The following KRT72 variants were observed in gnomAD, a reference collection of about 807,000 sequenced individuals.
The protein encoded by KRT72 is keratin, type II cytoskeletal 72.
KRT72 carries 44 observed loss-of-function variants against 44.7 expected under a neutral mutation model. That is an observed-to-expected ratio of 0.98 (90% confidence interval 0.77 to 1.27). KRT72 has a LOEUF of 1.27. Ranked by LOEUF, KRT72 falls within the 50% of genes most tolerant of loss-of-function variation. KRT72 has a pLI of 0.00. For missense variants in KRT72, 736 were observed against 667.1 expected, an observed-to-expected ratio of 1.10 and a Z score of -1.14; for synonymous variants, 302 against 280.4, an observed-to-expected ratio of 1.08 and a Z score of -0.77.
chr12:52,601,344 G>A lies in KRT72; in HGVS notation c.109C>T (p.Arg37Trp). The change falls in exon 1 of 9, where the codon CGG (arginine) becomes TGG (tryptophan). Residue 37 changes from arginine (R) to tryptophan (W), a missense_variant. By Grantham distance (101) the Arg-to-Trp change is moderately radical (BLOSUM62 -3). Transcript: ENST00000293745. The stretch of plus-strand genomic sequence containing the variant: ...CCAAAGGAGGCCGAGCCCTTGACCC[G>A]GGCCCGGAATGAGGCGGAGCTGCTG... ...IGSSSASFRA[R>W]VKGSASFGSK... 3.2e-6 allele frequency: 5 copies of A among 1,545,020 alleles called. No individual in the cohort carries two copies. Among genetic ancestry groups the A allele is most frequent in the Non-Finnish European group, 4.4e-6 (5 of 1,146,846 alleles).
chr12:52,587,154 G>T (rs532092810), intron 7 of KRT72, among the ~76,000 whole-genome samples, 174 bp from the exon 8 acceptor site: 8 of 152,070 alleles, frequency 5.3e-5, no homozygotes, highest in African/African-American at 1.7e-4. Context: ...AGAAAACTGA[G>T]ATGAAAATCT....
At chr12:52,587,433 T>C (rs1939809898) in intron 7 of KRT72, among the ~76,000 whole-genome samples, 198 bp downstream of exon 7, 1 of 152,158 alleles carries the variant, frequency 6.6e-6, no homozygotes, top group Non-Finnish European at 1.5e-5. Flanking sequence ...TAATACCTCC[T>C]CTCCCACAGC....
Position 52,590,971 on chromosome 12 carries a change from G to A in KRT72, c.964-10C>T, listed in dbSNP as rs766051563. ...CCTGCAGCTCCTGGATCTGAGGTTG[G>A]GTGACAAGAGAAGAGGAACACAAGG... On this transcript the variant is annotated splice_polypyrimidine_tract_variant and intron_variant, in intron 5 of 8. Coordinates refer to ENST00000293745, the MANE Select transcript of KRT72 (RefSeq NM_080747.3). 2 of 1,580,136 alleles carry A rather than the reference G, an allele frequency of 1.3e-6. No individual in the cohort carries two copies. Among genetic ancestry groups the A allele is most frequent in the Non-Finnish European group, 8.6e-7 (1 of 1,156,940 alleles).
At chr12:52,592,817 T>A in intron 3 of KRT72, 75 bp downstream of exon 3, 1 of 1,346,430 alleles carries the variant, frequency 7.4e-7, no homozygotes, top group Non-Finnish European at 1.1e-6. Flanking sequence ...AGGGCCCCTT[T>A]CCTCACCCTA....
intron 3 of KRT72, 73 bp downstream of exon 3, chr12:52,592,819 C>T: frequency 7.3e-7 from 1 of 1,373,478 alleles, no homozygotes; most frequent in Non-Finnish European, 1.0e-6. Flanking sequence ...GGCCCCTTTC[C>T]TCACCCTACA....
intron 7 of KRT72, among the ~76,000 whole-genome samples, chr12:52,587,322 T>G (rs547646913): frequency 6.6e-6 from 1 of 152,282 alleles, no homozygotes; most frequent in East Asian, 1.9e-4. Flanking sequence ...TGGAGCGACC[T>G]TGAACTTGGA....
chr12:52,586,220 C>A (rs376112297), intron 8 of KRT72, 48 bp from the exon 9 acceptor site: 1 of 1,528,298 alleles, frequency 6.5e-7, no homozygotes, highest in Non-Finnish European at 8.9e-7. Context: ...TCTAGCCCCA[C>A]GTCAGAGCCC....
chr12:52,585,773 G>T lies in KRT72; in HGVS notation c.*209C>A. The stretch of plus-strand genomic sequence containing the variant: ...ATTTCAGGCAATGACCCAACGAAAC[G>T]GGACCAAGAAGGAGGCCACTGAGAG... On this transcript the variant is annotated 3_prime_UTR_variant, in exon 9 of 9. Transcript: ENST00000293745. 1 of 550,828 alleles carries T rather than the reference G, an allele frequency of 1.8e-6. No individual in the cohort carries two copies. Among genetic ancestry groups the T allele is most frequent in the African/African-American group, 1.9e-5 (1 of 52,918 alleles). The allele number at this position is 550,828 out of a possible 1,614,324, so 34.1% of individuals were successfully genotyped here.
At position 52,591,462 on chromosome 12, in the gene KRT72, A is replaced by C; in HGVS notation, c.963+2T>G. On this transcript the variant is annotated splice_donor_variant, in intron 5 of 8. Transcript: ENST00000293745. LOFTEE classifies it high-confidence loss of function. ...GACTCAGCACACCTGGCACCAGCTC[A>C]CCTTGGTCTGGTACAGGGTCTCAGC... The C allele has an allele frequency of 6.2e-7, 1 of 1,612,748 alleles. No homozygotes were observed.
chr12:52,594,412 T>C (rs1940166384), intron 2 of KRT72, among the ~76,000 whole-genome samples: 1 of 151,382 alleles, frequency 6.6e-6, no homozygotes, highest in Admixed American at 6.6e-5. Context: ...ATCTACACCA[T>C]GGAATACTAT....
At chr12:52,592,680 A>G (rs1035812611) in intron 3 of KRT72, among the ~76,000 whole-genome samples, 189 bp from the exon 4 acceptor site, 4 of 152,244 alleles carry the variant, frequency 2.6e-5, no homozygotes, top group African/African-American at 9.6e-5. Flanking sequence ...CCAGTAGTGC[A>G]GTAAAATGCC....
chr12:52,601,260 G>A lies in KRT72; in HGVS notation c.193C>T (p.Arg65Trp), dbSNP rs761523800. The change falls in exon 1 of 9, where the codon CGG becomes TGG. Residue 65 changes from arginine to tryptophan, a missense_variant. Transcript: ENST00000293745. ...CCGCCCAGGCGGCCGCCGCCCCGCC[G>A]TGCAGCAGCGCTGAGCGCCAGGCTT... is the stretch of plus-strand genomic sequence containing the variant. Reference protein sequence around the residue: ...SRSLALSAAARRGGGRLGGFV... With the variant: ...SRSLALSAAAWRGGGRLGGFV... 2.1e-5 allele frequency: 32 copies of A among 1,560,568 alleles called. No individual in the cohort carries two copies. The African/African-American group carries it at 3.0e-4, about 15-fold the overall frequency.
rs57500017 is a variant in KRT72, at chr12:52,590,745, G to A, written c.1089+91C>T. On this transcript the variant is annotated intron_variant, in intron 6 of 8. Transcript: ENST00000293745. ...GGTAAATTAGAGGAGGCCCTAAGGA[G>A]GGCACTGTGTTTTACCCTTTCTTCA... is the stretch of plus-strand genomic sequence containing the variant. The A allele has an allele frequency of 4.1e-3, 5,223 of 1,279,102 alleles. 166 individuals are homozygous for A. The East Asian group carries it at 0.084, about 21-fold the overall frequency. 79.2% of individuals were successfully genotyped at this position (1,279,102 alleles called of 1,614,324 possible).
intron 2 of KRT72, among the ~76,000 whole-genome samples, chr12:52,593,330 C>G (rs973003607): frequency 5.3e-5 from 8 of 152,150 alleles, no homozygotes. Flanking sequence ...GTGCAAAAAC[C>G]TCCTAGGCAC....
chr12:52,601,593 C>T, upstream of KRT72: 1 of 798,852 alleles, frequency 1.3e-6, no homozygotes, highest in South Asian at 1.7e-5. Flanking sequence ...CTTTTAGATC[C>T]CTTGAGGCCT....
rs1940318664 is a variant in KRT72 at position 52,599,016 on chromosome 12, T to C, written c.523A>G (p.Ile175Val). 8.7e-6 allele frequency: 14 copies of C among 1,613,996 alleles called. No homozygotes were observed. In the East Asian group the frequency reaches 2.7e-4, roughly 31 times the overall value. The change falls in exon 2 of 9, where the codon ATT becomes GTT. Residue 175 changes from isoleucine to valine, a missense_variant. By Grantham distance (29) the Ile-to-Val change is conservative. Transcript: ENST00000293745. Reference protein sequence around the residue: ...LNNCRKNLEPIYEGYISNLQK... With the variant: ...LNNCRKNLEPVYEGYISNLQK... ...AGGTTGCTGATGTAGCCCTCATAAA[T>C]GGGCTCCAGGTTCTTCCTGCAGTTG...
At position 52,599,105 on chromosome 12, in the gene KRT72, A is replaced by C. The variant is rs201553444; in HGVS notation, c.434T>G (p.Phe145Cys). 1.5e-5 allele frequency: 24 copies of C among 1,613,956 alleles called. No individual in the cohort carries two copies. In the African/African-American group the frequency reaches 3.1e-4, roughly 21 times the overall value. The change falls in exon 2 of 9, where the codon TTC (phenylalanine) becomes TGC (cysteine). Residue 145 changes from phenylalanine (F) to cysteine (C), a missense_variant. Transcript: ENST00000293745. The part of the protein sequence containing the change: ...KFASFIDKVR[F>C]LEQQNQVLET... ...TAGCACCTGATTCTGCTGCTCCAGG[A>C]ACCGCACCTGGAACCCAAAGGCAGT...
rs1940086841 is a variant in KRT72 at position 52,592,634 on chromosome 12, A to G, written c.703-143T>C. On this transcript the variant is annotated intron_variant, in intron 3 of 8. Coordinates refer to ENST00000293745, the MANE Select transcript of KRT72 (RefSeq NM_080747.3). Reference sequence around the variant, plus strand: ...CCCTGAGAGTCCCCTTCAGTCCCTGAGAGTAAACCAACTAACGTGCAGTGC... The same window carrying G: ...CCCTGAGAGTCCCCTTCAGTCCCTGGGAGTAAACCAACTAACGTGCAGTGC... 9.0e-6 allele frequency: 6 copies of G among 668,566 alleles called. No homozygotes were observed. In the South Asian group the frequency reaches 1.1e-4, roughly 13 times the overall value. The allele number at this position is 668,566 out of a possible 1,614,324, so 41.4% of individuals were successfully genotyped here.
At chr12:52,589,881 T>C (rs186724360) in intron 6 of KRT72, among the ~76,000 whole-genome samples, 2 of 152,338 alleles carry the variant, frequency 1.3e-5, no homozygotes, top group East Asian at 3.9e-4. Flanking sequence ...GCTTCAAACA[T>C]CTGCGTTTTT....
Sources: allele counts gnomAD v4.1 joint callset (sites outside exome capture counted in the v4.1 genomes callset), GRCh38; gene constraint gnomAD v4.1.1; transcripts MANE v1.5; gene names NCBI Gene and HGNC (gene_info 2026-07-23, HGNC 2026-07-21).